The following SCHIP1 variants were observed in gnomAD, a reference collection of about 807,000 sequenced individuals.
SCHIP1 encodes schwannomin-interacting protein 1.
In SCHIP1, 8 loss-of-function variants were observed where a neutral mutation model predicts 29.7. The ratio of observed to expected loss-of-function variants is 0.27; its 90% CI spans 0.16 to 0.49. SCHIP1 has a LOEUF of 0.49. Among genes scored for constraint, SCHIP1 ranks in the 20% least tolerant of loss-of-function variants. The pLI is 0.99. For synonymous variants in SCHIP1, 76 were observed against 94.9 expected (o/e 0.80, Z 1.16); for missense variants, 193 against 294.6 (o/e 0.66, Z 2.52).
the SCHIP1 span, among the ~76,000 whole-genome samples, chr3:159,551,755 C>G: frequency 7.9e-5 from 12 of 152,026 alleles, no homozygotes; most frequent in Middle Eastern, 3.4e-3. Flanking sequence ...AAAGATTTAG[C>G]AAATTTGAAT....
chr3:159,420,309 G>A, the SCHIP1 span, among the ~76,000 whole-genome samples: 2 of 152,266 alleles, frequency 1.3e-5, no homozygotes, highest in African/African-American at 4.8e-5. Context: ...ATTGGACTTA[G>A]GGGAAAAGCG....
chr3:159,730,707 T>C, the SCHIP1 span, among the ~76,000 whole-genome samples: 2,817 of 152,316 alleles, frequency 0.018, 43 homozygotes, highest in Non-Finnish European at 0.028. Context: ...CTAGTTGATA[T>C]AAAAGAGAGA....
At chr3:159,708,889 G>A in the SCHIP1 span, among the ~76,000 whole-genome samples, 1 of 152,188 alleles carries the variant, frequency 6.6e-6, no homozygotes, top group Non-Finnish European at 1.5e-5. Flanking sequence ...TTGGAGTGGG[G>A]AGGTGCACAG....
the SCHIP1 span, among the ~76,000 whole-genome samples, chr3:159,559,770 C>T: frequency 6.6e-6 from 1 of 152,172 alleles, no homozygotes; most frequent in Non-Finnish European, 1.5e-5. Flanking sequence ...CTGCCAGAGT[C>T]ATCAGCTCTG....
chr3:159,829,788 G>A, the SCHIP1 span, among the ~76,000 whole-genome samples: 1 of 152,180 alleles, frequency 6.6e-6, no homozygotes, highest in Non-Finnish European at 1.5e-5. Flanking sequence ...TCAGTGCCAG[G>A]TTAGGATCAG....
chr3:159,623,885 C>A, the SCHIP1 span, among the ~76,000 whole-genome samples: 3 of 152,098 alleles, frequency 2.0e-5, no homozygotes, highest in Non-Finnish European at 4.4e-5. Flanking sequence ...CAAAAGTAGA[C>A]AACTTGGGAA....
the SCHIP1 span, among the ~76,000 whole-genome samples, chr3:159,473,247 G>A: frequency 1.3e-5 from 2 of 152,056 alleles, no homozygotes; most frequent in East Asian, 1.9e-4. Flanking sequence ...TACTGTCAAT[G>A]CTTTAGGCTG....
chr3:159,838,654 G>T (rs1334362929), upstream of SCHIP1, among the ~76,000 whole-genome samples: 1 of 152,088 alleles, frequency 6.6e-6, no homozygotes, highest in African/African-American at 2.4e-5. Context: ...ACTTTGGGAG[G>T]CCGAGGCAGG....
the SCHIP1 span, among the ~76,000 whole-genome samples, chr3:159,818,334 C>T: frequency 6.6e-6 from 1 of 152,226 alleles, no homozygotes; most frequent in African/African-American, 2.4e-5. Context: ...GGGACAATAA[C>T]ACTCTGAGAT....
intron 6 of SCHIP1, chr3:159,894,443 T>G (rs1345985760): frequency 6.6e-6 from 1 of 152,266 alleles, no homozygotes; most frequent in East Asian, 1.9e-4. Flanking sequence ...AGCCATGTCG[T>G]GGGTCTACAA....
chr3:159,405,992 TA>T, the SCHIP1 span, among the ~76,000 whole-genome samples: 3 of 151,660 alleles, frequency 2.0e-5, no homozygotes, highest in Non-Finnish European at 4.4e-5. Context: ...AGGGCAAGTC[TA>T]ACAGTTATTT....
At chr3:159,697,306 G>T in the SCHIP1 span, among the ~76,000 whole-genome samples, 190 of 152,304 alleles carry the variant, frequency 1.2e-3, no homozygotes, top group African/African-American at 4.5e-3. Flanking sequence ...TAGGTAGTTT[G>T]GGGTGCCATT....
Position 159,842,997 on chromosome 3 carries a change from C to CTTTTTTTTTTTTTTTTTTTTTTTTTT in SCHIP1, c.30+2786_30+2787insTTTTTTTTTTTTTTTTTTTTTTTTTT, listed in dbSNP as rs1440922016. 9.2e-4 allele frequency among the ~76,000 whole-genome samples: 57 copies of CTTTTTTTTTTTTTTTTTTTTTTTTTT among 61,744 alleles called. 16 individuals carry two copies. The highest frequency in any genetic ancestry group is 2.5e-3 in the East Asian group (6 of 2,428). The allele number at this position is 61,744 out of a possible 152,430, so 40.5% of individuals were successfully genotyped here. ...GCTCTCCAGTTCTATCCCAATATTT[C>CTTTTTTTTTTTTTTTTTTTTTTTTTT]TTTCTTTTTTTTTTTTTTTTTTTTT... On this transcript the variant is annotated intron_variant, in intron 1 of 6. Coordinates refer to ENST00000445224, the Ensembl canonical transcript of SCHIP1.
At chr3:159,682,802 T>TC in the SCHIP1 span, among the ~76,000 whole-genome samples, 1 of 152,166 alleles carries the variant, frequency 6.6e-6, no homozygotes, top group East Asian at 1.9e-4. Context: ...AAACCATTGT[T>TC]TCATTTATAT....
the SCHIP1 span, among the ~76,000 whole-genome samples, chr3:159,502,854 C>A: frequency 1.3e-5 from 2 of 152,202 alleles, no homozygotes; most frequent in Admixed American, 1.3e-4. Context: ...TTTGAACAAT[C>A]ACAGGTTCCC....
chr3:159,541,189 A>C, the SCHIP1 span, among the ~76,000 whole-genome samples: 2 of 152,094 alleles, frequency 1.3e-5, no homozygotes, highest in Admixed American at 6.6e-5. Context: ...TGCCCTTGTG[A>C]ATCACAAATA....
chr3:159,402,403 T>C, the SCHIP1 span, among the ~76,000 whole-genome samples: 31 of 152,262 alleles, frequency 2.0e-4, no homozygotes, highest in Admixed American at 8.5e-4. Context: ...ACTAGAAATA[T>C]CATTTGACCC....
At chr3:159,494,198 G>A in the SCHIP1 span, among the ~76,000 whole-genome samples, 531 of 151,978 alleles carry the variant, frequency 3.5e-3, 8 homozygotes, top group African/African-American at 0.012. Flanking sequence ...AAGAACTAGA[G>A]AAGCAAGAGC....
the SCHIP1 span, among the ~76,000 whole-genome samples, chr3:159,466,000 A>C: frequency 6.6e-6 from 1 of 152,176 alleles, no homozygotes; most frequent in Non-Finnish European, 1.5e-5. Flanking sequence ...GTCATGGGCT[A>C]TGTTACACAA....
Sources: allele counts gnomAD v4.1 joint callset (sites outside exome capture counted in the v4.1 genomes callset), GRCh38; gene constraint gnomAD v4.1.1; transcripts MANE v1.5; gene names NCBI Gene and HGNC (gene_info 2026-07-23, HGNC 2026-07-21).